Variants in GRID2 observed in about 807,000 individuals in gnomAD.
The protein encoded by GRID2 is glutamate ionotropic receptor delta type subunit 2, also known as glutamate receptor ionotropic, delta-2.
Under a neutral mutation model 114.8 loss-of-function variants are expected in GRID2, and 33 were observed. That is an observed-to-expected ratio of 0.29 (90% confidence interval 0.22 to 0.38). GRID2 has a LOEUF of 0.38. Ranked by LOEUF, GRID2 falls within the 10% of genes least tolerant of loss-of-function variation. The pLI is 1.00. For missense variants in GRID2, 1,184 were observed against 1,257.7 expected (o/e 0.94, Z 0.89); for synonymous variants, 505 against 449.9 (o/e 1.12, Z -1.55).
intron 13 of GRID2, among the ~76,000 whole-genome samples, chr4:93,602,778 A>C (rs951853397): frequency 6.6e-6 from 1 of 152,252 alleles, no homozygotes; most frequent in Admixed American, 6.5e-5. Context: ...GAAGAGTCAC[A>C]TGTGAGGAAG....
intron 2 of GRID2, among the ~76,000 whole-genome samples, chr4:92,742,160 AG>A (rs1165941338): frequency 2.6e-5 from 4 of 152,188 alleles, no homozygotes; most frequent in Non-Finnish European, 5.9e-5. Context: ...ATTTATTTAT[AG>A]TGACTTCTTT....
Position 93,238,376 on chromosome 4 carries a change from AG to A in GRID2, c.1132del (p.Val378LeufsTer4), listed in dbSNP as rs1747051923. ...SMLETIKKGG[V>X]SGLTGELEFG... Reference sequence around the variant, plus strand: ...GTATCTGTTCTCTCCTTTAGGGTGGAGTTAGTGGGTTGACTGGAGAGCTAGA... The same window carrying A: ...GTATCTGTTCTCTCCTTTAGGGTGGATTAGTGGGTTGACTGGAGAGCTAGA... On this transcript the variant is annotated frameshift_variant, in exon 8 of 16. Transcript: ENST00000282020. LOFTEE classifies it high-confidence loss of function. The A allele has an allele frequency of 6.2e-7, 1 of 1,602,428 alleles. No homozygotes were observed. The highest frequency in any genetic ancestry group is 1.7e-5 in the Admixed American group (1 of 59,638).
intron 13 of GRID2, among the ~76,000 whole-genome samples, chr4:93,577,328 A>G (rs545398647): frequency 6.6e-6 from 1 of 152,292 alleles, no homozygotes; most frequent in Non-Finnish European, 1.5e-5. Context: ...AAGAGAAAAC[A>G]CTTTTAAATG....
intron 2 of GRID2, among the ~76,000 whole-genome samples, chr4:93,000,109 C>T (rs190871598): frequency 1.3e-5 from 2 of 151,510 alleles, no homozygotes; most frequent in Admixed American, 6.6e-5. Context: ...TTCCATTGGC[C>T]GAGATGCTTA....
At chr4:92,881,229 C>T (rs1745988650) in intron 2 of GRID2, among the ~76,000 whole-genome samples, 1 of 152,088 alleles carries the variant, frequency 6.6e-6, no homozygotes, top group African/African-American at 2.4e-5. Flanking sequence ...AATAAAAATA[C>T]ACTCACTCAT....
intron 1 of GRID2, among the ~76,000 whole-genome samples, chr4:92,407,925 C>G (rs1278693904): frequency 6.6e-6 from 1 of 152,036 alleles, no homozygotes. Flanking sequence ...TGTGCAGAAG[C>G]TCTTTTGTTT....
At chr4:92,946,845 C>G (rs548476683) in intron 2 of GRID2, among the ~76,000 whole-genome samples, 1 of 152,108 alleles carries the variant, frequency 6.6e-6, no homozygotes, top group South Asian at 2.1e-4. Flanking sequence ...GCATGAAAGC[C>G]AAGAATTTCC....
At chr4:92,919,676 T>G (rs1749138789) in intron 2 of GRID2, among the ~76,000 whole-genome samples, 4 of 152,222 alleles carry the variant, frequency 2.6e-5, no homozygotes, top group Non-Finnish European at 5.9e-5. Flanking sequence ...GTGAGTTTCT[T>G]AATCCTGAGT....
At chr4:92,426,311 T>C (rs776541817) in intron 1 of GRID2, among the ~76,000 whole-genome samples, 17 of 152,100 alleles carry the variant, frequency 1.1e-4, no homozygotes, top group Non-Finnish European at 2.2e-4. Flanking sequence ...TATGGTAACA[T>C]GATATACAAA....
At chr4:92,486,547 T>A (rs1022839349) in intron 1 of GRID2, among the ~76,000 whole-genome samples, 10 of 137,074 alleles carry the variant, frequency 7.3e-5, no homozygotes, top group Non-Finnish European at 1.1e-4. Context: ...TCTCTCTCTT[T>A]CACACACACA....
intron 2 of GRID2, among the ~76,000 whole-genome samples, chr4:93,067,580 A>T (rs1193763811): frequency 6.6e-6 from 1 of 151,998 alleles, no homozygotes; most frequent in Non-Finnish European, 1.5e-5. Flanking sequence ...CTTGAGAGAG[A>T]TTTTATTATA....
At chr4:93,201,566 C>T (rs892266599) in intron 4 of GRID2, among the ~76,000 whole-genome samples, 6 of 152,132 alleles carry the variant, frequency 3.9e-5, no homozygotes, top group Non-Finnish European at 7.4e-5. Context: ...GAACTCTCTG[C>T]GTAAATGTGT....
At chr4:92,635,771 T>C (rs1731037743) in intron 2 of GRID2, among the ~76,000 whole-genome samples, 1 of 152,140 alleles carries the variant, frequency 6.6e-6, no homozygotes, top group African/African-American at 2.4e-5. Flanking sequence ...AGTATTTCAA[T>C]GATTTCAGGT....
At chr4:93,727,668 G>T (rs1578674715) in intron 14 of GRID2, among the ~76,000 whole-genome samples, 1 of 152,162 alleles carries the variant, frequency 6.6e-6, no homozygotes, top group Admixed American at 6.5e-5. Context: ...TTCAGATCCT[G>T]TTACTGGTCT....
intron 14 of GRID2, among the ~76,000 whole-genome samples, chr4:93,689,819 A>C (rs1726387635): frequency 1.3e-5 from 2 of 152,106 alleles, no homozygotes; most frequent in South Asian, 4.1e-4. Context: ...CTTGGATTTC[A>C]TTTAAAATAT....
At chr4:93,636,512 A>G (rs1196910324) in intron 14 of GRID2, among the ~76,000 whole-genome samples, 1 of 152,078 alleles carries the variant, frequency 6.6e-6, no homozygotes, top group East Asian at 1.9e-4. Flanking sequence ...TTATTCCCTT[A>G]TAGTTAAATC....
intron 2 of GRID2, among the ~76,000 whole-genome samples, chr4:93,045,557 C>G (rs1367892116): frequency 1.3e-5 from 2 of 152,066 alleles, no homozygotes; most frequent in African/African-American, 4.8e-5. Context: ...AAACAGAAGA[C>G]AAACAACAGG....
At chr4:92,361,936 A>G (rs1209795340) in intron 1 of GRID2, among the ~76,000 whole-genome samples, 1 of 152,024 alleles carries the variant, frequency 6.6e-6, no homozygotes, top group African/African-American at 2.4e-5. Context: ...ATGCTAGCAA[A>G]TTCTGCAGTA....
intron 2 of GRID2, among the ~76,000 whole-genome samples, chr4:92,601,568 C>T (rs777874818): frequency 1.3e-5 from 2 of 152,048 alleles, no homozygotes; most frequent in African/African-American, 2.4e-5. Context: ...TAAAGGCCCA[C>T]ATCAAAAAGC....
Sources: gnomAD v4.1 joint callset for allele counts (sites outside exome capture counted in the v4.1 genomes callset) on GRCh38, gnomAD v4.1.1 for gene constraint, MANE v1.5 for transcripts, NCBI Gene and HGNC (gene_info 2026-07-23, HGNC 2026-07-21) for gene names.